SNRNP40: variants seen among roughly 807,000 people sequenced by gnomAD.
SNRNP40 encodes the protein small nuclear ribonucleoprotein U5 subunit 40.
Under a neutral mutation model 45.8 loss-of-function variants are expected in SNRNP40, and 21 were observed. The observed-to-expected ratio is 0.46, with a 90% CI of 0.32 to 0.66. The LOEUF (loss-of-function observed/expected upper bound fraction) is 0.66. Among genes scored for constraint, SNRNP40 ranks in the 30% least tolerant of loss-of-function variants. The pLI is 0.03. For synonymous variants in SNRNP40, 142 were observed against 163.8 expected (o/e 0.87, Z 1.01); for missense variants, 344 against 439.1 (o/e 0.78, Z 1.94).
At chr1:31,280,113 CAAAAA>C (rs577919252) in intron 5 of SNRNP40, among the ~76,000 whole-genome samples, 1 of 67,646 alleles carries the variant, frequency 1.5e-5, no homozygotes, top group Non-Finnish European at 2.6e-5. Flanking sequence ...GACTCTGACT[CAAAAA>C]AAAAAAAAAA....
intron 3 of SNRNP40, among the ~76,000 whole-genome samples, chr1:31,291,524 T>C (rs867931761): frequency 6.6e-6 from 1 of 152,114 alleles, no homozygotes; most frequent in Non-Finnish European, 1.5e-5. Flanking sequence ...AAATGATTTT[T>C]AAAAATTAGC....
intron 4 of SNRNP40, among the ~76,000 whole-genome samples, chr1:31,288,666 C>T (rs944282113): frequency 2.9e-5 from 3 of 105,144 alleles, no homozygotes; most frequent in Non-Finnish European, 4.6e-5. Context: ...CTCAGAACAG[C>T]CTTTTTTTTT....
chr1:31,268,731 T>C (rs1007149029), intron 7 of SNRNP40, among the ~76,000 whole-genome samples: 1 of 152,172 alleles, frequency 6.6e-6, no homozygotes, highest in Admixed American at 6.5e-5. Flanking sequence ...ACTTGGGCCG[T>C]GGTAGTTACT....
intron 4 of SNRNP40, chr1:31,282,576 T>TATCTATCTATCTA (rs1415890625): frequency 1.3e-5 from 2 of 149,780 alleles, no homozygotes; most frequent in Admixed American, 6.6e-5. Context: ...TCTATCTATC[T>TATCTATCTATCTA]ATCTATCTAT....
At chr1:31,260,918 C>A in intron 9 of SNRNP40, 4 of 879,792 alleles carry the variant, frequency 4.5e-6, no homozygotes, top group South Asian at 4.4e-5. Flanking sequence ...TTGAAACAGA[C>A]TTGATGGAAG....
chr1:31,268,270 AAAT>A (rs2148381534), intron 7 of SNRNP40, among the ~76,000 whole-genome samples: 2 of 148,626 alleles, frequency 1.3e-5, no homozygotes, highest in South Asian at 4.3e-4. Flanking sequence ...CAAACCCAAC[AAAT>A]AATAAATTTT....
chr1:31,291,960 C>T lies in SNRNP40; in HGVS notation c.318G>A (p.Lys106=), dbSNP rs1293233652. Residue 106 remains lysine (K), a synonymous_variant, in exon 3 of 10, where the codon AAG becomes AAA. Transcript: ENST00000263694. ...YGDCDNYATL[K]GHSGAVMELH... Reference sequence around the variant, plus strand: ...ATTCCATCACTGCTCCACTGTGTCCCTTCAGTGTGGCATAGTTATCACAGT... The same window carrying T: ...ATTCCATCACTGCTCCACTGTGTCCTTTCAGTGTGGCATAGTTATCACAGT... The T allele has an allele frequency of 1.9e-6, 3 of 1,613,512 alleles. No homozygotes were observed. The highest frequency in any genetic ancestry group is 2.2e-5 in the East Asian group (1 of 44,872).
intron 5 of SNRNP40, among the ~76,000 whole-genome samples, chr1:31,279,969 A>G (rs1002679719): frequency 3.3e-5 from 5 of 150,534 alleles, no homozygotes; most frequent in Admixed American, 2.0e-4. Context: ...TTAGCTGGGC[A>G]TGGTGGCACG....
At chr1:31,294,115 G>A (rs965055770) in intron 1 of SNRNP40, among the ~76,000 whole-genome samples, 3 of 151,802 alleles carry the variant, frequency 2.0e-5, no homozygotes, top group East Asian at 1.9e-4. Context: ...GCACAACCAC[G>A]CCCGGCTAAT....
chr1:31,274,667 C>CAAAAAAAAAAA (rs1645963240), intron 5 of SNRNP40, among the ~76,000 whole-genome samples: 1 of 96,018 alleles, frequency 1.0e-5, no homozygotes, highest in Non-Finnish European at 2.3e-5. Flanking sequence ...AAAAAAAAAC[C>CAAAAAAAAAAA]AAACTGAACT....
intron 4 of SNRNP40, among the ~76,000 whole-genome samples, chr1:31,287,022 T>G (rs1053371409): frequency 6.6e-6 from 1 of 152,244 alleles, no homozygotes; most frequent in Non-Finnish European, 1.5e-5. Context: ...ACGATCTGTA[T>G]GAATAATGCC....
intron 3 of SNRNP40, among the ~76,000 whole-genome samples, chr1:31,290,764 G>A (rs557361217): frequency 5.3e-5 from 8 of 152,110 alleles, no homozygotes; most frequent in African/African-American, 1.9e-4. Context: ...TGTAATCCCA[G>A]CTACTCAGGA....
At chr1:31,293,572 C>G (rs1236106487) in intron 1 of SNRNP40, among the ~76,000 whole-genome samples, 4 of 152,200 alleles carry the variant, frequency 2.6e-5, no homozygotes, top group Non-Finnish European at 5.9e-5. Context: ...ACTCTCTCAG[C>G]TCTTGTTGTA....
chr1:31,265,382 A>G (rs10753246), intron 8 of SNRNP40, among the ~76,000 whole-genome samples: 149,859 of 152,122 alleles, frequency 0.99, 73,848 homozygotes, highest in East Asian at 1. Context: ...CTTCCACCTC[A>G]GCCTCTCAGA....
intron 4 of SNRNP40, chr1:31,281,924 C>A (rs1337036953): frequency 6.5e-6 from 1 of 152,742 alleles, no homozygotes; most frequent in Non-Finnish European, 1.5e-5. Flanking sequence ...TAAACAATGA[C>A]AAAAGCTTGT....
intron 6 of SNRNP40, chr1:31,269,517 G>A: frequency 1.6e-6 from 1 of 609,418 alleles, no homozygotes; most frequent in Non-Finnish European, 2.4e-6. Flanking sequence ...AGTTGGGTGT[G>A]ATACTAATTT....
At chr1:31,295,818 C>G (rs963422000) in intron 1 of SNRNP40, among the ~76,000 whole-genome samples, 3 of 152,230 alleles carry the variant, frequency 2.0e-5, no homozygotes, top group African/African-American at 7.2e-5. Flanking sequence ...ATAATAATGG[C>G]TTAGGCCATG....
At chr1:31,296,393 G>A (rs1325260593) in intron 1 of SNRNP40, among the ~76,000 whole-genome samples, 2 of 152,226 alleles carry the variant, frequency 1.3e-5, no homozygotes, top group Non-Finnish European at 2.9e-5. Flanking sequence ...TGCTATCTCA[G>A]GGCAGTCGAG....
intron 1 of SNRNP40, among the ~76,000 whole-genome samples, chr1:31,295,088 G>C (rs554214013): frequency 6.6e-6 from 1 of 152,246 alleles, no homozygotes; most frequent in Admixed American, 6.5e-5. Context: ...GTGGTGTCAT[G>C]TGCTATAGAG....
Sources: gnomAD v4.1 joint callset for allele counts (sites outside exome capture counted in the v4.1 genomes callset) on GRCh38, gnomAD v4.1.1 for gene constraint, MANE v1.5 for transcripts, NCBI Gene and HGNC (gene_info 2026-07-23, HGNC 2026-07-21) for gene names.